UBN2: variants seen among roughly 807,000 people sequenced by gnomAD.
UBN2 encodes ubinuclein-2.
UBN2 carries 35 observed loss-of-function variants against 120.2 expected under a neutral mutation model. The observed-to-expected ratio is 0.29, with a 90% CI of 0.22 to 0.39. The LOEUF is 0.39. Ranked by LOEUF, UBN2 falls within the 10% of genes least tolerant of loss-of-function variation. UBN2 has a pLI of 1.00. For synonymous variants in UBN2, 661 were observed against 648.7 expected, an observed-to-expected ratio of 1.02 and a Z score of -0.29; for missense variants, 1,693 against 1,663.2, an observed-to-expected ratio of 1.02 and a Z score of -0.31.
At chr7:139,272,177 T>A (rs1797296686) in intron 8 of UBN2, 145 bp from the exon 9 acceptor site, 1 of 599,340 alleles carries the variant, frequency 1.7e-6, no homozygotes, top group Non-Finnish European at 2.9e-6. Context: ...AAGTCAGTGC[T>A]GTAGAAGAAA....
In UBN2 at chr7:139,259,264, C is replaced by G; in HGVS notation, c.802-3C>G. The G allele has an allele frequency of 6.2e-7, 1 of 1,611,608 alleles. No homozygotes were observed. Among genetic ancestry groups the G allele is most frequent in the Non-Finnish European group, 8.5e-7 (1 of 1,179,126 alleles). ...AAATGATCATTCTTTTATCATTTTG[C>G]AGGTCCCCAAAATAAAAGAAGATGA... On this transcript the variant is annotated splice_polypyrimidine_tract_variant and splice_region_variant and intron_variant, in intron 4 of 17. Transcript: ENST00000473989.
chr7:139,243,305 C>G (rs1796372887), intron 2 of UBN2, among the ~76,000 whole-genome samples: 1 of 151,314 alleles, frequency 6.6e-6, no homozygotes, highest in East Asian at 1.9e-4. Context: ...TTTTTTTGTT[C>G]TTGTTGTTTG....
chr7:139,259,296 G>T lies in UBN2; in HGVS notation c.831G>T (p.Glu277Asp). Residue 277 changes from glutamate (E) to aspartate (D), a missense_variant, in exon 5 of 18, where the codon GAG becomes GAT. Glu to Asp is a conservative substitution (Grantham distance 45). This residue lies in a region of UBN2 where 663 missense variants were observed against 591.2 expected (regional missense o/e 1.12). Coordinates refer to ENST00000473989, the MANE Select transcript of UBN2 (RefSeq NM_173569.4). The stretch of plus-strand genomic sequence containing the variant: ...CCAAAATAAAAGAAGATGATATTGA[G>T]ATGAAGAAGCGGAAGCGGAAAGAGG... Reference protein sequence around the residue: ...KVPKIKEDDIEMKKRKRKEEG... With the variant: ...KVPKIKEDDIDMKKRKRKEEG... The T allele has an allele frequency of 6.2e-7, 1 of 1,613,826 alleles. No homozygotes were observed. Among genetic ancestry groups the T allele is most frequent in the Non-Finnish European group, 8.5e-7 (1 of 1,179,848 alleles).
At chr7:139,326,004 A>G in the UBN2 span, among the ~76,000 whole-genome samples, 17 of 151,892 alleles carry the variant, frequency 1.1e-4, no homozygotes, top group Middle Eastern at 3.4e-3. Flanking sequence ...CAGCCTGGTC[A>G]ACATGGAGAA....
chr7:139,314,972 AATAAT>A, the UBN2 span, among the ~76,000 whole-genome samples: 1 of 150,644 alleles, frequency 6.6e-6, no homozygotes, highest in Non-Finnish European at 1.5e-5. Context: ...TAATAATAAT[AATAAT>A]ATTATTATTA....
At chr7:139,279,600 T>C (rs1797543464) in intron 13 of UBN2, among the ~76,000 whole-genome samples, 1 of 152,174 alleles carries the variant, frequency 6.6e-6, no homozygotes, top group East Asian at 1.9e-4. Context: ...AAATGCTAGG[T>C]AAAATACAAC....
chr7:139,316,033 C>T, the UBN2 span, among the ~76,000 whole-genome samples: 3 of 131,444 alleles, frequency 2.3e-5, no homozygotes, highest in African/African-American at 5.8e-5. Context: ...GCTGAGATCG[C>T]GCTGTTGCAC....
At position 139,272,325 on chromosome 7, in the gene UBN2, G is replaced by T. The variant is rs1172418948; in HGVS notation, c.1600G>T (p.Asp534Tyr). Reference sequence around the variant, plus strand: ...TCTAGTATGTTTTTCTTTTTAGGATGATCGTTTAAGAGAACCTCTGCAAAA... The same window carrying T: ...TCTAGTATGTTTTTCTTTTTAGGATTATCGTTTAAGAGAACCTCTGCAAAA... ...LKKLHLNVQDDRLREPLQKLK... is the reference protein window; with the variant it reads ...LKKLHLNVQDYRLREPLQKLK... The change falls in exon 9 of 18, where the codon GAT (aspartate) becomes TAT (tyrosine). Residue 534 changes from aspartate to tyrosine, a missense_variant. Around this residue, in one of 5 missense-constraint regions of UBN2, gnomAD observed 178 missense variants for 204.0 expected, o/e 0.87. Transcript: ENST00000473989. 1 of 1,606,754 alleles carries T rather than the reference G, an allele frequency of 6.2e-7. No homozygotes were observed. Among genetic ancestry groups the T allele is most frequent in the South Asian group, 1.1e-5 (1 of 89,496 alleles).
chr7:139,326,696 C>A, the UBN2 span, among the ~76,000 whole-genome samples: 1 of 152,226 alleles, frequency 6.6e-6, no homozygotes, highest in Non-Finnish European at 1.5e-5. Context: ...TCACCCAGGC[C>A]ATGCCAATTA....
In UBN2 at chr7:139,298,083, A is replaced by T; in HGVS notation, c.*247A>T. The T allele has an allele frequency of 2.3e-6, 1 of 430,438 alleles. No homozygotes were observed. Among genetic ancestry groups the T allele is most frequent in the East Asian group, 3.7e-5 (1 of 27,350 alleles). The allele number at this position is 430,438 out of a possible 1,614,324, so 26.7% of individuals were successfully genotyped here. On this transcript the variant is annotated 3_prime_UTR_variant, in exon 18 of 18. Coordinates refer to ENST00000473989, the MANE Select transcript of UBN2 (RefSeq NM_173569.4). ...TTCTAAAGAATGACAGAGTTACCGT[A>T]TTAACAGACTTGAAAGAGACTCAGT...
intron 3 of UBN2, among the ~76,000 whole-genome samples, chr7:139,255,122 TA>T (rs1796723328): frequency 6.6e-6 from 1 of 152,224 alleles, no homozygotes. Context: ...CCTTCCCTCC[TA>T]ATCACTGGCA....
rs919374396 is a variant in UBN2 at position 139,306,571 on chromosome 7, T to C, written c.*8735T>C. 6.6e-6 allele frequency: 1 copy of C among 152,200 alleles called. No homozygotes were observed. Among genetic ancestry groups the C allele is most frequent in the Non-Finnish European group, 1.5e-5 (1 of 68,026 alleles). 9.4% of individuals were successfully genotyped at this position (152,200 alleles called of 1,614,324 possible). On this transcript the variant is annotated 3_prime_UTR_variant, in exon 18 of 18. Coordinates refer to ENST00000473989, the MANE Select transcript of UBN2 (RefSeq NM_173569.4). ...CAGATAATCAATGGGCCTTTCCCCATTAGAGGTAGGTTCCCAGCCTACAAG... is the reference window on the plus strand; with the variant it reads ...CAGATAATCAATGGGCCTTTCCCCACTAGAGGTAGGTTCCCAGCCTACAAG...
chr7:139,328,519 G>C, the UBN2 span, among the ~76,000 whole-genome samples: 1 of 152,198 alleles, frequency 6.6e-6, no homozygotes, highest in Non-Finnish European at 1.5e-5. Context: ...GGACAGAAGA[G>C]CTGCTAGAGT....
At position 139,284,251 on chromosome 7, in the gene UBN2, G is replaced by A. The variant is rs761150890; in HGVS notation, c.3346G>A (p.Gly1116Arg). ...TNSPVHKQPS[G>R]MNISRQSPTL... Reference sequence around the variant, plus strand: ...CAGCCCAGTCCATAAACAGCCCAGTGGAATGAACATCAGCAGACAGTCTCC... The same window carrying A: ...CAGCCCAGTCCATAAACAGCCCAGTAGAATGAACATCAGCAGACAGTCTCC... Residue 1116 changes from glycine (G) to arginine (R), a missense_variant, in exon 15 of 18, where the codon GGA becomes AGA. By Grantham distance (125) the Gly-to-Arg change is moderately radical. Transcript: ENST00000473989. The A allele has an allele frequency of 3.1e-6, 5 of 1,614,004 alleles. No individual in the cohort carries two copies. Among genetic ancestry groups the A allele is most frequent in the Non-Finnish European group, 4.2e-6 (5 of 1,180,028 alleles).
At chr7:139,232,221 C>G (rs181436641) in intron 1 of UBN2, among the ~76,000 whole-genome samples, 10 of 152,376 alleles carry the variant, frequency 6.6e-5, no homozygotes, top group African/African-American at 2.4e-4. Flanking sequence ...TTTTCTTGTG[C>G]ACCTTTCGGA....
At chr7:139,254,944 C>T (rs1353502801) in intron 3 of UBN2, among the ~76,000 whole-genome samples, 1 of 152,168 alleles carries the variant, frequency 6.6e-6, no homozygotes, top group African/African-American at 2.4e-5. Flanking sequence ...GACATTGTGA[C>T]ACATCATTGT....
intron 10 of UBN2, 38 bp from the exon 11 acceptor site, chr7:139,273,893 C>T (rs200290267): frequency 3.0e-4 from 454 of 1,533,376 alleles, no homozygotes; most frequent in Admixed American, 1.1e-3. Context: ...GTATGTTCTT[C>T]TAAAAAAAGT....
rs1796855438 is a variant in UBN2 at position 139,259,210 on chromosome 7, A to G, written c.802-57A>G. The G allele has an allele frequency of 1.0e-5, 16 of 1,588,958 alleles. No homozygotes were observed. In the South Asian group the frequency reaches 1.7e-4, roughly 17 times the overall value. ...CCACTGCTGATGCTGGATTGCTAACATCAAAGAGTAAAGCATTGTTACTTA... is the reference window on the plus strand; with the variant it reads ...CCACTGCTGATGCTGGATTGCTAACGTCAAAGAGTAAAGCATTGTTACTTA... On this transcript the variant is annotated intron_variant, in intron 4 of 17. Coordinates refer to ENST00000473989, the MANE Select transcript of UBN2 (RefSeq NM_173569.4).
Position 139,261,679 on chromosome 7 carries a change from G to A in UBN2, c.1333G>A (p.Val445Ile). 1 of 1,614,132 alleles carries A rather than the reference G, an allele frequency of 6.2e-7. No individual in the cohort carries two copies. Among genetic ancestry groups the A allele is most frequent in the Non-Finnish European group, 8.5e-7 (1 of 1,180,028 alleles). The change falls in exon 6 of 18, where the codon GTA (valine) becomes ATA (isoleucine). Residue 445 changes from valine (V) to isoleucine (I), a missense_variant. By Grantham distance (29) the Val-to-Ile change is conservative. Transcript: ENST00000473989. The part of the protein sequence containing the change: ...TYTSQVMPKV[V>I]PTLPEGLPVL... ...CACTTCTCAGGTTATGCCCAAAGTG[G>A]TACCTACACTCCCAGAGGGTCTACC...
Sources: allele counts gnomAD v4.1 joint callset (sites outside exome capture counted in the v4.1 genomes callset), GRCh38; gene constraint gnomAD v4.1.1; regional missense constraint gnomAD v4.1.1; transcripts MANE v1.5; gene names NCBI Gene and HGNC (gene_info 2026-07-23, HGNC 2026-07-21).